DDC: variants seen among roughly 807,000 people sequenced by gnomAD.
The protein encoded by DDC is aromatic-L-amino-acid decarboxylase.
In DDC, 43 loss-of-function variants were observed where a neutral mutation model predicts 60.0. The ratio of observed to expected loss-of-function variants is 0.72; its 90% CI spans 0.56 to 0.92. DDC has a LOEUF of 0.92. Ranked by LOEUF, DDC falls within the 40% of genes least tolerant of loss-of-function variation. DDC has a pLI of 0.00. For missense variants in DDC, 573 were observed against 620.2 expected, an observed-to-expected ratio of 0.92 and a Z score of 0.81; for synonymous variants, 232 against 234.6, an observed-to-expected ratio of 0.99 and a Z score of 0.10.
At chr7:50,474,282 A>T (rs1181063739) in intron 11 of DDC, among the ~76,000 whole-genome samples, 17 of 152,360 alleles carry the variant, frequency 1.1e-4, no homozygotes, top group Admixed American at 1.1e-3. Context: ...GGTGGGCTCA[A>T]GTCTTCTGGA....
At chr7:50,516,176 C>T (rs574980979) in intron 6 of DDC, among the ~76,000 whole-genome samples, 1 of 152,214 alleles carries the variant, frequency 6.6e-6, no homozygotes, top group East Asian at 1.9e-4. Flanking sequence ...ATATAATAGG[C>T]CATAAAACAA....
intron 6 of DDC, among the ~76,000 whole-genome samples, chr7:50,526,116 TA>T (rs1377421433): frequency 6.6e-6 from 1 of 151,922 alleles, no homozygotes; most frequent in African/African-American, 2.4e-5. Context: ...GAAGAGTAAA[TA>T]AAAAGAAAAT....
intron 9 of DDC, among the ~76,000 whole-genome samples, chr7:50,493,659 C>T (rs2043058930): frequency 6.6e-6 from 1 of 152,174 alleles, no homozygotes; most frequent in Non-Finnish European, 1.5e-5. Flanking sequence ...TTCATAACGG[C>T]CATGTCTTTC....
chr7:50,495,893 A>T (rs1046292829), intron 8 of DDC, among the ~76,000 whole-genome samples: 1 of 152,234 alleles, frequency 6.6e-6, no homozygotes, highest in African/African-American at 2.4e-5. Context: ...GGAATACTTC[A>T]TGCTTGAAGT....
intron 1 of DDC, among the ~76,000 whole-genome samples, chr7:50,551,716 G>A (rs572217565): frequency 6.6e-6 from 1 of 152,028 alleles, no homozygotes. Context: ...TAAATGTTTT[G>A]CAGGCATTTT....
chr7:50,503,989 T>C lies in DDC; in HGVS notation c.781+4A>G. ...CCAAAAAGAAAATGGAATCGGATAC[T>C]TACAGATAGGACCGACTTCTAAGAG... is the stretch of plus-strand genomic sequence containing the variant. On this transcript the variant is annotated splice_donor_region_variant and intron_variant, in intron 7 of 14. Transcript: ENST00000444124. The C allele has an allele frequency of 1.2e-6, 2 of 1,610,610 alleles. No individual in the cohort carries two copies. Among genetic ancestry groups the C allele is most frequent in the Non-Finnish European group, 1.7e-6 (2 of 1,176,738 alleles).
chr7:50,513,620 G>A (rs527619397), intron 6 of DDC, among the ~76,000 whole-genome samples: 29 of 152,230 alleles, frequency 1.9e-4, no homozygotes, highest in African/African-American at 6.7e-4. Flanking sequence ...AAACAGACTT[G>A]GGGCTCTTGG....
chr7:50,547,760 G>A lies in DDC; in HGVS notation c.-28-3647C>T, dbSNP rs185652604. Among the ~76,000 whole-genome samples the A allele has an allele frequency of 1.1e-3, 165 of 152,258 alleles. 1 individual carries two copies. The highest frequency in any genetic ancestry group is 5.6e-4 in the Non-Finnish European group (38 of 68,026). ...ATCGCATGTATTAGCTATTATAACA[G>A]CATGTATTAGCTGTACAACCCAGCG... On this transcript the variant is annotated intron_variant, in intron 1 of 14. Transcript: ENST00000444124.
At chr7:50,553,272 C>G (rs1455736083) in intron 1 of DDC, among the ~76,000 whole-genome samples, 4 of 152,008 alleles carry the variant, frequency 2.6e-5, no homozygotes, top group African/African-American at 7.2e-5. Context: ...CCTTTTCCAT[C>G]CTGATGAAAA....
chr7:50,471,154 G>A (rs2042521614), intron 11 of DDC, among the ~76,000 whole-genome samples: 1 of 152,188 alleles, frequency 6.6e-6, no homozygotes, highest in Non-Finnish European at 1.5e-5. Flanking sequence ...CACTTTGGGA[G>A]GCCAAGGCAG....
intron 4 of DDC, among the ~76,000 whole-genome samples, chr7:50,537,641 C>A (rs901608878): frequency 6.6e-6 from 1 of 152,302 alleles, no homozygotes; most frequent in East Asian, 1.9e-4. Context: ...GAACTGAGTG[C>A]CCTGCCCTGG....
chr7:50,547,563 G>A (rs1414151958), intron 1 of DDC, among the ~76,000 whole-genome samples: 1 of 152,156 alleles, frequency 6.6e-6, no homozygotes, highest in Admixed American at 6.5e-5. Context: ...ATTTCACAAT[G>A]TGAATGTGCC....
intron 10 of DDC, among the ~76,000 whole-genome samples, chr7:50,476,993 C>T (rs903542018): frequency 6.6e-6 from 1 of 152,134 alleles, no homozygotes; most frequent in Admixed American, 6.5e-5. Flanking sequence ...TTCATTCATT[C>T]ATGCATGGGA....
rs539762148 is a variant in DDC, at chr7:50,529,213, C to G, written c.565G>C (p.Asp189His). Reference protein sequence around the residue: ...IMEKLVAYSSDQAHSSVERAG... With the variant: ...IMEKLVAYSSHQAHSSVERAG... ...TACCCCCACAACACACTCACCTGAT[C>G]GGATGAGTAAGCCACCAGCTTCTCC... Residue 189 changes from aspartate (D) to histidine (H), a missense_variant, in exon 5 of 15, where the codon GAT becomes CAT. Coordinates refer to ENST00000444124, the MANE Select transcript of DDC (RefSeq NM_001082971.2). 134 of 1,613,020 alleles carry G rather than the reference C, an allele frequency of 8.3e-5. No homozygotes were observed. Among genetic ancestry groups the G allele is most frequent in the Non-Finnish European group, 1.1e-4 (130 of 1,179,970 alleles).
chr7:50,531,189 G>A (rs2044194686), intron 4 of DDC, among the ~76,000 whole-genome samples: 1 of 152,140 alleles, frequency 6.6e-6, no homozygotes, highest in African/African-American at 2.4e-5. Flanking sequence ...GAGAGAAGGG[G>A]AGAAACCAAT....
chr7:50,483,871 T>G (rs1935177288), intron 9 of DDC, among the ~76,000 whole-genome samples: 1 of 149,252 alleles, frequency 6.7e-6, no homozygotes, highest in South Asian at 2.1e-4. Flanking sequence ...GCTACTGCAC[T>G]CCAGCCTGGG....
intron 9 of DDC, among the ~76,000 whole-genome samples, chr7:50,489,663 G>A (rs921804415): frequency 6.6e-6 from 1 of 152,150 alleles, no homozygotes; most frequent in Admixed American, 6.5e-5. Context: ...TAGGCCCAGG[G>A]ACTATCAGAG....
intron 6 of DDC, among the ~76,000 whole-genome samples, chr7:50,521,278 T>C (rs978525126): frequency 7.9e-5 from 12 of 152,164 alleles, no homozygotes; most frequent in Non-Finnish European, 2.9e-5. Context: ...TCAATGGTGC[T>C]ACATCTATTT....
intron 9 of DDC, chr7:50,492,876 G>A (rs200951693): frequency 7.7e-5 from 122 of 1,583,490 alleles, no homozygotes; most frequent in Non-Finnish European, 9.6e-5. Flanking sequence ...GCTCTGCAGC[G>A]TCTGCGGCAG....
Sources: allele counts gnomAD v4.1 joint callset (sites outside exome capture counted in the v4.1 genomes callset), GRCh38; gene constraint gnomAD v4.1.1; transcripts MANE v1.5; gene names NCBI Gene and HGNC (gene_info 2026-07-23, HGNC 2026-07-21).